Variants in SLC2A4RG observed in about 807,000 individuals in gnomAD.
The protein encoded by SLC2A4RG is GLUT4 enhancer factor.
In SLC2A4RG, 23 loss-of-function variants were observed where a neutral mutation model predicts 35.5. That is an observed-to-expected ratio of 0.65 (90% confidence interval 0.47 to 0.92). The LOEUF (loss-of-function observed/expected upper bound fraction) is 0.92, where lower values mean the gene tolerates loss of function less well. Ranked by LOEUF, SLC2A4RG falls within the 40% of genes least tolerant of loss-of-function variation. The pLI, the probability that SLC2A4RG is intolerant of heterozygous loss-of-function variation, is 0.00. For synonymous variants in SLC2A4RG, 306 were observed against 243.7 expected, an observed-to-expected ratio of 1.26 and a Z score of -2.38; for missense variants, 539 against 525.0, an observed-to-expected ratio of 1.03 and a Z score of -0.26.
rs779384307 is a variant in SLC2A4RG, at chr20:63,742,118, C to G, written c.580-12C>G. ...TGGCGGCTGAGCCTGACCCTGGCCC[C>G]TGTTGCTGCAGAGCCCGGCCCAGGT... On this transcript the variant is annotated splice_polypyrimidine_tract_variant and intron_variant, in intron 4 of 7. Coordinates refer to ENST00000266077, the MANE Select transcript of SLC2A4RG (RefSeq NM_020062.4). 1 of 1,603,470 alleles carries G rather than the reference C, an allele frequency of 6.2e-7. No individual in the cohort carries two copies. Among genetic ancestry groups the G allele is most frequent in the Non-Finnish European group, 8.5e-7 (1 of 1,175,698 alleles).
chr20:63,740,334 C>T, intron 1 of SLC2A4RG, 43 bp from the exon 2 acceptor site: 1 of 1,208,192 alleles, frequency 8.3e-7, no homozygotes, highest in Non-Finnish European at 1.0e-6. Context: ...CCCCCCTCCC[C>T]CGGCCACCGC....
At position 63,742,461 on chromosome 20, in the gene SLC2A4RG, TGCC is replaced by T. The variant is rs1349912745; in HGVS notation, c.810_812del (p.Pro271del). ...ACTCCAGTGTCCCCCACGGCCTCCA[TGCC>T]GCCTGCCTTCCCCCGCCTGGAGCTG... On this transcript the variant is annotated inframe_deletion, in exon 6 of 8. Coordinates refer to ENST00000266077, the MANE Select transcript of SLC2A4RG (RefSeq NM_020062.4). 1 of 1,595,710 alleles carries T rather than the reference TGCC, an allele frequency of 6.3e-7. No homozygotes were observed. The highest frequency in any genetic ancestry group is 1.7e-5 in the Admixed American group (1 of 57,688).
rs2092040805 is a variant in SLC2A4RG, at chr20:63,741,427, C to T, written c.339C>T (p.Ser113=). The T allele has an allele frequency of 6.2e-7, 1 of 1,613,470 alleles. No individual in the cohort carries two copies. The highest frequency in any genetic ancestry group is 1.7e-5 in the Admixed American group (1 of 60,014). The part of the protein sequence containing the change: ...DEVMAAAALT[S]LSTSPLLLGA... ...TCATGGCTGCCGCTGCCCTTACAAGCCTGTCCACCAGCCCTCTCCTTCTGG... is the reference window on the plus strand; with the variant it reads ...TCATGGCTGCCGCTGCCCTTACAAGTCTGTCCACCAGCCCTCTCCTTCTGG... Residue 113 remains serine, a synonymous_variant, in exon 3 of 8, where the codon AGC becomes AGT. Coordinates refer to ENST00000266077, the MANE Select transcript of SLC2A4RG (RefSeq NM_020062.4).
chr20:63,739,838 A>AGCACG lies in SLC2A4RG; in HGVS notation c.-73_-72insACGGC. The AGCACG allele has an allele frequency of 1.0e-6, 1 of 968,852 alleles. No homozygotes were observed. Among genetic ancestry groups the AGCACG allele is most frequent in the Non-Finnish European group, 1.2e-6 (1 of 823,360 alleles). 60.0% of individuals were successfully genotyped at this position (968,852 alleles called of 1,614,324 possible). ...CAGGGCGGGGGTCGGCGGCCCGGCC[A>AGCACG]GCCCGGCCCGGCCCGGGGCCGCGTC... On this transcript the variant is annotated 5_prime_UTR_variant, in exon 1 of 8. Transcript: ENST00000266077.
Position 63,742,110 on chromosome 20 carries a change from C to CCTGG in SLC2A4RG, c.580-18_580-15dup. The CCTGG allele has an allele frequency of 6.2e-7, 1 of 1,602,956 alleles. No homozygotes were observed. The highest frequency in any genetic ancestry group is 8.5e-7 in the Non-Finnish European group (1 of 1,175,490). ...GGCGGGTGTGGCGGCTGAGCCTGACCCTGGCCCCTGTTGCTGCAGAGCCCG... is the reference window on the plus strand; with the variant it reads ...GGCGGGTGTGGCGGCTGAGCCTGACCCTGGCTGGCCCCTGTTGCTGCAGAGCCCG... On this transcript the variant is annotated intron_variant, in intron 4 of 7. Transcript: ENST00000266077.
Position 63,743,003 on chromosome 20 carries a change from C to G in SLC2A4RG, c.*13C>G, listed in dbSNP as rs750807903. On this transcript the variant is annotated 3_prime_UTR_variant, in exon 8 of 8. Coordinates refer to ENST00000266077, the MANE Select transcript of SLC2A4RG (RefSeq NM_020062.4). ...GTTCCTGGACTAAGTCCGGCTCGTT[C>G]AAGAACATAAGCTACCACCTTCTCC... 5 of 1,595,396 alleles carry G rather than the reference C, an allele frequency of 3.1e-6. No individual in the cohort carries two copies. The East Asian group carries it at 9.0e-5, about 29-fold the overall frequency.
chr20:63,743,274 T>TC lies in SLC2A4RG; in HGVS notation c.*287dup, dbSNP rs2092054924. On this transcript the variant is annotated 3_prime_UTR_variant, in exon 8 of 8. Transcript: ENST00000266077. ...CCAAGGGCCCTGGGGGCAGCCACCCTCCCGCCTGTCGGCCCGTAGATTTAT... is the reference window on the plus strand; with the variant it reads ...CCAAGGGCCCTGGGGGCAGCCACCCTCCCCGCCTGTCGGCCCGTAGATTTAT... 1 of 286,570 alleles carries TC rather than the reference T, an allele frequency of 3.5e-6. No individual in the cohort carries two copies. Among genetic ancestry groups the TC allele is most frequent in the Non-Finnish European group, 6.6e-6 (1 of 151,258 alleles). 17.8% of individuals were successfully genotyped at this position (286,570 alleles called of 1,614,324 possible).
chr20:63,741,176 C>T (rs1451341567), intron 2 of SLC2A4RG, 194 bp from the exon 3 acceptor site: 8 of 594,410 alleles, frequency 1.3e-5, no homozygotes, highest in East Asian at 1.1e-4. Context: ...GAGACCCTGG[C>T]CCTGCTCCTG....
rs537149520 is a variant in SLC2A4RG, at chr20:63,742,605, G to A, written c.950G>A (p.Arg317His). The A allele has an allele frequency of 1.2e-5, 19 of 1,575,928 alleles. No individual in the cohort carries two copies. The highest frequency in any genetic ancestry group is 6.9e-5 in the Admixed American group (4 of 58,120). ...VANPQSCHSD[R>H]VYQGCLTPAR... ...AACCCCCAGTCCTGTCACAGTGACC[G>A]TGTCTACCAGGTGGGTGAGGCCACG... is the stretch of plus-strand genomic sequence containing the variant. Residue 317 changes from arginine (R) to histidine (H), a missense_variant, in exon 6 of 8, where the codon CGT becomes CAT. Arg to His is a conservative substitution (Grantham distance 29). Transcript: ENST00000266077.
In SLC2A4RG at chr20:63,742,976, C is replaced by T. The variant is rs777497511; in HGVS notation, c.1150C>T (p.Arg384Trp). Residue 384 changes from arginine to tryptophan, a missense_variant, in exon 8 of 8, where the codon CGG becomes TGG. Physicochemically the swap from Arg to Trp is moderately radical, Grantham distance 101 (BLOSUM62 -3). Transcript: ENST00000266077. ...CTGCCGCTGGAAGAAAGCCTGCCAG[C>T]GGTTCCTGGACTAAGTCCGGCTCGT... ...TACRWKKACQ[R>W]FLD The T allele has an allele frequency of 1.6e-5, 25 of 1,610,512 alleles. No individual in the cohort carries two copies. Among genetic ancestry groups the T allele is most frequent in the Non-Finnish European group, 2.0e-5 (24 of 1,178,678 alleles).
rs375375575 is a variant in SLC2A4RG, at chr20:63,742,447, C to G, written c.792C>G (p.Ser264=). The stretch of plus-strand genomic sequence containing the variant: ...GGCTGTCCAGCCTGACTCCAGTGTC[C>G]CCCACGGCCTCCATGCCGCCTGCCT... ...TDGLSSLTPV[S]PTASMPPAFP... is the part of the protein sequence containing the mutation. The change falls in exon 6 of 8, where the codon TCC becomes TCG. Residue 264 remains serine (S), a synonymous_variant. Coordinates refer to ENST00000266077, the MANE Select transcript of SLC2A4RG (RefSeq NM_020062.4). The G allele has an allele frequency of 1.9e-6, 3 of 1,602,814 alleles. No homozygotes were observed. In the African/African-American group the frequency reaches 4.0e-5, roughly 21 times the overall value.
At position 63,742,530 on chromosome 20, in the gene SLC2A4RG, G is replaced by A. The variant is rs764747858; in HGVS notation, c.875G>A (p.Arg292Gln). Residue 292 changes from arginine to glutamine, a missense_variant, in exon 6 of 8, where the codon CGG becomes CAG. Arg to Gln is a conservative substitution (Grantham distance 43). Transcript: ENST00000266077. ...CCCCCAGCCCTGCCTAGTCCCCTGC[G>A]GCCGCCTGCCCCGCCCCTGCCCCCG... ...LEPPALPSPL[R>Q]PPAPPLPPPP... The A allele has an allele frequency of 1.2e-5, 19 of 1,561,428 alleles. No homozygotes were observed. Among genetic ancestry groups the A allele is most frequent in the East Asian group, 7.1e-5 (3 of 42,342 alleles).
At position 63,741,957 on chromosome 20, in the gene SLC2A4RG, C is replaced by T; in HGVS notation, c.480C>T (p.Asp160=). 1 of 1,612,882 alleles carries T rather than the reference C, an allele frequency of 6.2e-7. No homozygotes were observed. The highest frequency in any genetic ancestry group is 8.5e-7 in the Non-Finnish European group (1 of 1,179,820). Residue 160 remains aspartate (D), a synonymous_variant, in exon 4 of 8, where the codon GAC becomes GAT. Transcript: ENST00000266077. ...GCAACAGTGGAGACTGGGGATGGGA[C>T]CTGGCCAGTGACCAGTCCTCTCCGT... is the stretch of plus-strand genomic sequence containing the variant. ...SSSNSGDWGW[D]LASDQSSPST...
chr20:63,742,487 C>T lies in SLC2A4RG; in HGVS notation c.832C>T (p.Leu278=). ...SMPPAFPRLE[L]PELLEPPALP... ...GCCGCCTGCCTTCCCCCGCCTGGAG[C>T]TGCCAGAGCTGCTGGAGCCCCCAGC... The change falls in exon 6 of 8, where the codon CTG becomes TTG. Residue 278 remains leucine, a synonymous_variant. Transcript: ENST00000266077. The T allele has an allele frequency of 1.9e-6, 3 of 1,576,886 alleles. No individual in the cohort carries two copies. Among genetic ancestry groups the T allele is most frequent in the East Asian group, 2.3e-5 (1 of 43,310 alleles).
chr20:63,740,225 G>A (rs1601364929), intron 1 of SLC2A4RG, 152 bp from the exon 2 acceptor site: 1 of 460,466 alleles, frequency 2.2e-6, no homozygotes, highest in Non-Finnish European at 3.0e-6. Context: ...CGCCGCGCCG[G>A]GCTGGGGGCG....
At chr20:63,741,118 G>C (rs2092039376) in intron 2 of SLC2A4RG, 1 of 538,342 alleles carries the variant, frequency 1.9e-6, no homozygotes, top group Non-Finnish European at 3.3e-6. Flanking sequence ...AGTATCTGAA[G>C]GAACCACAGT....
rs997974801 is a variant in SLC2A4RG, at chr20:63,743,149, T to C, written c.*159T>C. Reference sequence around the variant, plus strand: ...GGGGGGCGGGGCTGACCCTGAACCCTCCCCCCCGCCAGGTCGGGGAGGGGT... The same window carrying C: ...GGGGGGCGGGGCTGACCCTGAACCCCCCCCCCCGCCAGGTCGGGGAGGGGT... On this transcript the variant is annotated 3_prime_UTR_variant, in exon 8 of 8. Coordinates refer to ENST00000266077, the MANE Select transcript of SLC2A4RG (RefSeq NM_020062.4). 1.5e-5 allele frequency: 8 copies of C among 525,624 alleles called. No individual in the cohort carries two copies. Among genetic ancestry groups the C allele is most frequent in the South Asian group, 2.5e-5 (1 of 40,026 alleles). The allele number at this position is 525,624 out of a possible 1,614,324, so 32.6% of individuals were successfully genotyped here.
intron 2 of SLC2A4RG, among the ~76,000 whole-genome samples, chr20:63,740,974 G>A (rs1430546521): frequency 6.6e-6 from 1 of 152,204 alleles, no homozygotes; most frequent in Admixed American, 6.5e-5. Flanking sequence ...GCTGCCGGCT[G>A]CTGGCCACTC....
In SLC2A4RG at chr20:63,741,784, G is replaced by A. The variant is rs6122026; in HGVS notation, c.392-85G>A. On this transcript the variant is annotated intron_variant, in intron 3 of 7. Coordinates refer to ENST00000266077, the MANE Select transcript of SLC2A4RG (RefSeq NM_020062.4). Reference sequence around the variant, plus strand: ...AGACGCTCTGCCCACCAGTCTCACCGGACTTGGTGAACAGGGGCAGCTCAG... The same window carrying A: ...AGACGCTCTGCCCACCAGTCTCACCAGACTTGGTGAACAGGGGCAGCTCAG... The A allele has an allele frequency of 1.2e-3, 1,767 of 1,464,330 alleles. 58 individuals carry two copies. In the East Asian group the frequency reaches 0.038, roughly 31 times the overall value. 90.7% of individuals were successfully genotyped at this position (1,464,330 alleles called of 1,614,324 possible).
Sources: gnomAD v4.1 joint callset for allele counts (sites outside exome capture counted in the v4.1 genomes callset) on GRCh38, gnomAD v4.1.1 for gene constraint, MANE v1.5 for transcripts, NCBI Gene and HGNC (gene_info 2026-07-23, HGNC 2026-07-21) for gene names.